CPQ: variants seen among roughly 807,000 people sequenced by gnomAD.
CPQ encodes the protein carboxypeptidase Q, also known as Ser-Met dipeptidase.
A neutral mutation model predicts 45.7 loss-of-function variants in CPQ; 37 were observed. That is an observed-to-expected ratio of 0.81 (90% confidence interval 0.62 to 1.07). The LOEUF is 1.07. Among genes scored for constraint, CPQ ranks in the 50% least tolerant of loss-of-function variants. The pLI is 0.00. For missense variants in CPQ, 537 were observed against 572.9 expected (o/e 0.94, Z 0.64); for synonymous variants, 186 against 205.8 (o/e 0.90, Z 0.82).
At chr8:96,913,242 G>C (rs1812691684) in intron 4 of CPQ, among the ~76,000 whole-genome samples, 1 of 152,208 alleles carries the variant, frequency 6.6e-6, no homozygotes, top group African/African-American at 2.4e-5. Context: ...TGTCCACACT[G>C]CTGGTGGGGC....
At chr8:96,929,231 A>G (rs1935672825) in intron 4 of CPQ, among the ~76,000 whole-genome samples, 1 of 152,194 alleles carries the variant, frequency 6.6e-6, no homozygotes, top group African/African-American at 2.4e-5. Context: ...TTCAAAGGCA[A>G]AGGAATAGAA....
intron 1 of CPQ, among the ~76,000 whole-genome samples, chr8:96,663,231 A>G (rs1808865578): frequency 6.6e-6 from 1 of 152,204 alleles, no homozygotes; most frequent in African/African-American, 2.4e-5. Context: ...GCCCAGCAGA[A>G]TAATGGGAGG....
intron 1 of CPQ, among the ~76,000 whole-genome samples, chr8:96,762,757 T>C (rs1810420559): frequency 6.6e-6 from 1 of 152,202 alleles, no homozygotes; most frequent in African/African-American, 2.4e-5. Flanking sequence ...ACCGTAGTTT[T>C]AGTGTTGTAT....
At chr8:96,945,754 C>T (rs1289451087) in intron 4 of CPQ, among the ~76,000 whole-genome samples, 6 of 152,276 alleles carry the variant, frequency 3.9e-5, no homozygotes, top group Non-Finnish European at 7.4e-5. Flanking sequence ...TTAACTTGTT[C>T]GCTTGTCCCC....
intron 3 of CPQ, among the ~76,000 whole-genome samples, chr8:96,836,447 G>A (rs1310009714): frequency 6.6e-6 from 1 of 152,134 alleles, no homozygotes; most frequent in Non-Finnish European, 1.5e-5. Context: ...TTACATTGAT[G>A]TCATAGTGCT....
chr8:96,756,121 G>A (rs189186877), intron 1 of CPQ, among the ~76,000 whole-genome samples: 2 of 151,778 alleles, frequency 1.3e-5, no homozygotes, highest in African/African-American at 2.4e-5. Flanking sequence ...TTGATTCTTC[G>A]ATATGAAAGA....
intron 4 of CPQ, among the ~76,000 whole-genome samples, chr8:96,884,276 A>T (rs1259504812): frequency 2.0e-5 from 3 of 152,158 alleles, no homozygotes; most frequent in Non-Finnish European, 2.9e-5. Context: ...ATTAAAAAAA[A>T]ATTCTGTTCC....
chr8:96,750,318 A>T (rs1810241834), intron 1 of CPQ, among the ~76,000 whole-genome samples: 2 of 152,054 alleles, frequency 1.3e-5, no homozygotes, highest in South Asian at 4.1e-4. Flanking sequence ...AAAAATAATT[A>T]TTTTTCAAAA....
At chr8:96,923,542 C>T (rs564603193) in intron 4 of CPQ, among the ~76,000 whole-genome samples, 37 of 152,234 alleles carry the variant, frequency 2.4e-4, no homozygotes, top group East Asian at 7.7e-4. Context: ...TCCCCAGTAA[C>T]ACACTCTTCT....
intron 2 of CPQ, among the ~76,000 whole-genome samples, chr8:96,798,208 C>T (rs1481839220): frequency 2.0e-5 from 3 of 151,964 alleles, no homozygotes; most frequent in East Asian, 2.0e-4. Context: ...TGGTTCACTG[C>T]AGCCTGAGCC....
Position 97,081,613 on chromosome 8 carries a change from A to C in CPQ, c.1255+15403A>C, listed in dbSNP as rs184364984. 5.1e-3 allele frequency among the ~76,000 whole-genome samples: 772 copies of C among 152,244 alleles called. 13 individuals carry two copies. The highest frequency in any genetic ancestry group is 0.016 in the African/African-American group (671 of 41,544). On this transcript the variant is annotated intron_variant, in intron 7 of 7. Coordinates refer to ENST00000220763, the MANE Select transcript of CPQ (RefSeq NM_016134.4). Reference sequence around the variant, plus strand: ...AACCTCTTCATCTCCCTGGCCTTCCAACTTCCTGGAGCACAACTCCACTGT... The same window carrying C: ...AACCTCTTCATCTCCCTGGCCTTCCCACTTCCTGGAGCACAACTCCACTGT...
chr8:96,820,834 T>C (rs1264474355), intron 2 of CPQ, among the ~76,000 whole-genome samples: 1 of 152,092 alleles, frequency 6.6e-6, no homozygotes. Context: ...TACCAAGTAG[T>C]AGAATTACTG....
At chr8:96,724,329 T>C (rs1277808264) in intron 1 of CPQ, among the ~76,000 whole-genome samples, 3 of 152,140 alleles carry the variant, frequency 2.0e-5, no homozygotes, top group Non-Finnish European at 4.4e-5. Flanking sequence ...AACAGCTTGC[T>C]ATGGCTTGAA....
intron 4 of CPQ, among the ~76,000 whole-genome samples, chr8:96,953,997 G>A (rs1030567198): frequency 2.0e-5 from 3 of 152,000 alleles, no homozygotes; most frequent in African/African-American, 7.3e-5. Context: ...TATCTCCAAG[G>A]TATTGATGGA....
intron 2 of CPQ, among the ~76,000 whole-genome samples, chr8:96,807,239 T>A (rs1044728545): frequency 2.0e-5 from 3 of 152,126 alleles, no homozygotes; most frequent in Non-Finnish European, 4.4e-5. Context: ...TTTTAATTTT[T>A]ATTTTTTATT....
intron 2 of CPQ, among the ~76,000 whole-genome samples, chr8:96,800,075 G>A (rs1810986646): frequency 6.6e-6 from 1 of 152,132 alleles, no homozygotes; most frequent in African/African-American, 2.4e-5. Context: ...AAAGCCATTA[G>A]AAGGCAAAAT....
rs1470761351 is a variant in CPQ, at chr8:96,838,124, C to T, written c.641+2944C>T. Reference sequence around the variant, plus strand: ...ATCCACTTGTAGCCCAGGTGAGTTACCTCTTTTTTGGTATTTCCACATACA... The same window carrying T: ...ATCCACTTGTAGCCCAGGTGAGTTATCTCTTTTTTGGTATTTCCACATACA... On this transcript the variant is annotated intron_variant, in intron 3 of 7. Coordinates refer to ENST00000220763, the MANE Select transcript of CPQ (RefSeq NM_016134.4). 1.9e-4 allele frequency among the ~76,000 whole-genome samples: 29 copies of T among 152,164 alleles called. 1 individual carries two copies. Among genetic ancestry groups the T allele is most frequent in the Admixed American group, 1.9e-3 (29 of 15,264 alleles).
intron 1 of CPQ, among the ~76,000 whole-genome samples, chr8:96,773,693 T>C (rs1181047302): frequency 1.3e-5 from 2 of 152,184 alleles, no homozygotes; most frequent in African/African-American, 4.8e-5. Flanking sequence ...AACAGAAATT[T>C]GTTTTCTCAC....
intron 1 of CPQ, among the ~76,000 whole-genome samples, chr8:96,692,059 C>T (rs1279655816): frequency 2.0e-5 from 3 of 152,134 alleles, no homozygotes; most frequent in East Asian, 1.9e-4. Context: ...TAAGGTCTCT[C>T]TGGTTGGAGT....
Sources: allele counts gnomAD v4.1 joint callset (sites outside exome capture counted in the v4.1 genomes callset), GRCh38; gene constraint gnomAD v4.1.1; transcripts MANE v1.5; gene names NCBI Gene and HGNC (gene_info 2026-07-23, HGNC 2026-07-21).